Variants in MED13L observed in about 807,000 individuals in gnomAD.
MED13L encodes mediator of RNA polymerase II transcription subunit 13-like.
Under a neutral mutation model 220.9 loss-of-function variants are expected in MED13L, and 7 were observed. The observed-to-expected ratio is 0.03, with a 90% CI of 0.02 to 0.06. The LOEUF (loss-of-function observed/expected upper bound fraction) is 0.06. MED13L is among the 10% of genes least tolerant of loss of function. The pLI is 1.00. For missense variants in MED13L, 1,965 were observed against 2,760.5 expected (o/e 0.71, Z 6.46); for synonymous variants, 1,011 against 1,015.2 (o/e 1.00, Z 0.08).
chr12:115,988,999 G>A (rs1476995048), intron 17 of MED13L, among the ~76,000 whole-genome samples: 1 of 152,168 alleles, frequency 6.6e-6, no homozygotes, highest in Non-Finnish European at 1.5e-5. Context: ...ATACAAATGA[G>A]CATAACCCTT....
At chr12:116,125,082 T>G (rs528930996) in intron 2 of MED13L, among the ~76,000 whole-genome samples, 2 of 152,368 alleles carry the variant, frequency 1.3e-5, no homozygotes, top group East Asian at 1.9e-4. Context: ...TTTGCACATG[T>G]GAAAATTTGT....
Position 115,963,523 on chromosome 12 carries a change from G to A in MED13L, c.6388-4C>T, listed in dbSNP as rs367778594. 7.4e-5 allele frequency: 119 copies of A among 1,607,086 alleles called. No homozygotes were observed. The highest frequency in any genetic ancestry group is 9.5e-5 in the Non-Finnish European group (112 of 1,174,126). ...AAATGTGGTGATGCAGCGAAGCCTG[G>A]TGAAAAAACAAAGAGAGTTACCTCT... On this transcript the variant is annotated splice_region_variant and splice_polypyrimidine_tract_variant and intron_variant, in intron 29 of 30. Coordinates refer to ENST00000281928, the MANE Select transcript of MED13L (RefSeq NM_015335.5).
chr12:116,160,147 T>C (rs1046393713), intron 2 of MED13L, among the ~76,000 whole-genome samples: 2 of 152,218 alleles, frequency 1.3e-5, no homozygotes, highest in Admixed American at 1.3e-4. Context: ...ATTCAAACTA[T>C]CAACATATCG....
chr12:116,178,569 C>T (rs1293790489), intron 2 of MED13L, among the ~76,000 whole-genome samples: 1 of 152,204 alleles, frequency 6.6e-6, no homozygotes, highest in African/African-American at 2.4e-5. Context: ...AACAGAAGAA[C>T]ATGAATATAT....
intron 23 of MED13L, among the ~76,000 whole-genome samples, chr12:115,978,546 C>G (rs1402633858): frequency 6.6e-6 from 1 of 152,010 alleles, no homozygotes; most frequent in Non-Finnish European, 1.5e-5. Flanking sequence ...AAGCTGGTCT[C>G]GAACTCCTGA....
In MED13L at chr12:116,033,120, T is replaced by C. The variant is rs560998264; in HGVS notation, c.480-10519A>G. On this transcript the variant is annotated intron_variant, in intron 4 of 30. Transcript: ENST00000281928. ...AAAAACACATTCAAGAATATAATTA[T>C]AGCACTGGAAAGCGTTCATCTTAAG... 1.1e-4 allele frequency among the ~76,000 whole-genome samples: 16 copies of C among 152,266 alleles called. No individual in the cohort carries two copies. In the East Asian group the frequency reaches 2.1e-3, roughly 20 times the overall value.
chr12:116,164,107 C>G (rs183786077), intron 2 of MED13L, among the ~76,000 whole-genome samples: 1 of 152,140 alleles, frequency 6.6e-6, no homozygotes, highest in African/African-American at 2.4e-5. Flanking sequence ...CACAAGTTCA[C>G]GAGCTATGAC....
At chr12:116,146,843 G>A (rs988445286) in intron 2 of MED13L, among the ~76,000 whole-genome samples, 2 of 151,702 alleles carry the variant, frequency 1.3e-5, no homozygotes, top group Non-Finnish European at 2.9e-5. Context: ...ACTCCAGCCT[G>A]GGCAACAGAG....
Position 116,075,258 on chromosome 12 carries a change from G to T in MED13L, c.479+21411C>A. Among the ~76,000 whole-genome samples, 2 of 152,122 alleles carry T rather than the reference G, an allele frequency of 1.3e-5. 1 individual carries two copies. The highest frequency in any genetic ancestry group is 3.8e-4 in the East Asian group (2 of 5,196). ...GCTGCCCCTTTGCAGTGTGACCTTG[G>T]TCAAGTTATTTATCCCCATGTATCT... is the stretch of plus-strand genomic sequence containing the variant. On this transcript the variant is annotated intron_variant, in intron 4 of 30. Transcript: ENST00000281928.
intron 6 of MED13L, 116 bp from the exon 7 acceptor site, chr12:116,019,528 A>G (rs1592953573): frequency 1.6e-6 from 2 of 1,221,392 alleles, no homozygotes; most frequent in East Asian, 4.9e-5. Flanking sequence ...GCCAAAAGTG[A>G]TAGGCTCCAT....
chr12:116,079,426 A>G (rs1335094873), intron 4 of MED13L, among the ~76,000 whole-genome samples: 1 of 151,950 alleles, frequency 6.6e-6, no homozygotes, highest in Non-Finnish European at 1.5e-5. Context: ...GGGTCTCACT[A>G]TATTGCTCAG....
At chr12:115,987,737 T>C (rs981298210) in intron 17 of MED13L, among the ~76,000 whole-genome samples, 4 of 152,202 alleles carry the variant, frequency 2.6e-5, no homozygotes, top group Admixed American at 6.5e-5. Context: ...ATGCTCCTAA[T>C]TGTAAAAATA....
At chr12:116,207,598 A>G (rs1882426621) in intron 2 of MED13L, among the ~76,000 whole-genome samples, 1 of 152,178 alleles carries the variant, frequency 6.6e-6, no homozygotes, top group Non-Finnish European at 1.5e-5. Flanking sequence ...TGTTATTCTA[A>G]GAGTGCTGTA....
At chr12:116,120,889 CAAAA>C (rs1237759801) in intron 2 of MED13L, among the ~76,000 whole-genome samples, 1 of 151,994 alleles carries the variant, frequency 6.6e-6, no homozygotes, top group Non-Finnish European at 1.5e-5. Flanking sequence ...TTGTTGGTCT[CAAAA>C]GAACCAAGAG....
Position 115,991,831 on chromosome 12 carries a change from T to C in MED13L, c.3123A>G (p.Pro1041=). 6.2e-7 allele frequency: 1 copy of C among 1,612,102 alleles called. No individual in the cohort carries two copies. The highest frequency in any genetic ancestry group is 8.5e-7 in the Non-Finnish European group (1 of 1,179,962). Residue 1041 remains proline, a synonymous_variant, in exon 17 of 31, where the codon CCA becomes CCG. Coordinates refer to ENST00000281928, the MANE Select transcript of MED13L (RefSeq NM_015335.5). The surrounding 1 kb of genome is among the most constrained non-coding windows in gnomAD (Gnocchi z 7.7). ...TGGGGACAGAGAAGCGAGGGGTTGC[T>C]GGAGATGGTAGGACTCCTGCCCCAC... ...SNSGAGVLPS[P]ATPRFSVPTP... is the part of the protein sequence containing the mutation.
In MED13L at chr12:116,148,051, C is replaced by CAAAAAAAAAAAA. The variant is rs10678970; in HGVS notation, c.311-36551_311-36540dup. Among the ~76,000 whole-genome samples, 37 of 18,136 alleles carry CAAAAAAAAAAAA rather than the reference C, an allele frequency of 2.0e-3. 1 individual carries two copies. Among genetic ancestry groups the CAAAAAAAAAAAA allele is most frequent in the East Asian group, 9.8e-3 (5 of 512 alleles). The allele number at this position is 18,136 out of a possible 152,430, so 11.9% of individuals were successfully genotyped here. Reference sequence around the variant, plus strand: ...TGGGCTACAGAGCAAGACCCCATCTCAAAAAAAAAAAAAAAAAAAAAAAGA... The same window carrying CAAAAAAAAAAAA: ...TGGGCTACAGAGCAAGACCCCATCTCAAAAAAAAAAAAAAAAAAAAAAAAAAAAAAAAAAAGA... On this transcript the variant is annotated intron_variant, in intron 2 of 30. Coordinates refer to ENST00000281928, the MANE Select transcript of MED13L (RefSeq NM_015335.5).
chr12:116,088,890 AAT>A (rs1180240217), intron 4 of MED13L, among the ~76,000 whole-genome samples: 2 of 152,172 alleles, frequency 1.3e-5, no homozygotes, highest in Admixed American at 1.3e-4. Context: ...TTCAGAATAT[AAT>A]TCAAAATTAT....
chr12:116,035,654 G>A (rs572163920), intron 4 of MED13L, among the ~76,000 whole-genome samples: 1 of 151,976 alleles, frequency 6.6e-6, no homozygotes, highest in African/African-American at 2.4e-5. Context: ...GCAGTGGCGC[G>A]ATCATGACTC....
intron 2 of MED13L, among the ~76,000 whole-genome samples, chr12:116,183,818 GTA>G (rs772800440): frequency 0.14 from 15,784 of 111,660 alleles, 893 homozygotes; most frequent in Middle Eastern, 0.23. Flanking sequence ...GTGTGTGTGT[GTA>G]TGTGTGTGTG....
Sources: allele counts gnomAD v4.1 joint callset (sites outside exome capture counted in the v4.1 genomes callset), GRCh38; gene constraint gnomAD v4.1.1; non-coding constraint Gnocchi (gnomAD v3.1); transcripts MANE v1.5; gene names NCBI Gene and HGNC (gene_info 2026-07-23, HGNC 2026-07-21).